The following PRPF31 variants were observed in gnomAD, a reference collection of about 807,000 sequenced individuals.
PRPF31 encodes pre-mRNA processing factor 31.
A neutral mutation model predicts 60.4 loss-of-function variants in PRPF31; 12 were observed. The ratio of observed to expected loss-of-function variants is 0.20; its 90% CI spans 0.13 to 0.32. PRPF31 has a LOEUF of 0.32. PRPF31 is among the 10% of genes least tolerant of loss of function. The probability of loss-of-function intolerance (pLI) is 1.00; values close to 1 mark genes in which losing one functional copy is unlikely to be tolerated. For missense variants in PRPF31, 431 were observed against 687.1 expected (o/e 0.63, Z 4.17); for synonymous variants, 287 against 287.9 (o/e 1.00, Z 0.03).
chr19:54,121,087 T>C (rs587744622), intron 3 of PRPF31, among the ~76,000 whole-genome samples: 1 of 151,198 alleles, frequency 6.6e-6, no homozygotes, highest in East Asian at 2.0e-4. Context: ...AGGTCGGGAG[T>C]TCGAGACCAG....
intron 4 of PRPF31, 51 bp from the exon 5 acceptor site, chr19:54,122,446 C>T (rs1568587497): frequency 7.2e-7 from 1 of 1,388,472 alleles, no homozygotes; most frequent in East Asian, 2.3e-5. Context: ...GGCCAACCAG[C>T]AGAGTCTACC....
intron 8 of PRPF31, chr19:54,125,210 C>T (rs147706110): frequency 2.0e-4 from 33 of 166,368 alleles, no homozygotes; most frequent in Middle Eastern, 5.8e-3. Context: ...GGCCCGCTAG[C>T]CTGGCGGGGC....
At position 54,126,517 on chromosome 19, in the gene PRPF31, C is replaced by T. The variant is rs763862825; in HGVS notation, c.856-11C>T. 12 of 1,611,410 alleles carry T rather than the reference C, an allele frequency of 7.4e-6. No individual in the cohort carries two copies. The highest frequency in any genetic ancestry group is 4.0e-5 in the African/African-American group (3 of 74,890). On this transcript the variant is annotated splice_polypyrimidine_tract_variant and intron_variant, in intron 8 of 13. Coordinates refer to ENST00000321030, the MANE Select transcript of PRPF31 (RefSeq NM_015629.4). ...TCACACAGATTCCACCCCCGTTTTC[C>T]GTTGCTCCAGGATCTGCGGCGGAAA... is the stretch of plus-strand genomic sequence containing the variant.
intron 1 of PRPF31, among the ~76,000 whole-genome samples, chr19:54,117,237 G>C (rs1230392962): frequency 6.6e-6 from 1 of 151,972 alleles, no homozygotes; most frequent in Non-Finnish European, 1.5e-5. Flanking sequence ...CAGAGGAAGT[G>C]GGGGGTGGTG....
Position 54,131,536 on chromosome 19 carries a change from C to G in PRPF31, c.*104C>G, listed in dbSNP as rs1166972719. The G allele has an allele frequency of 2.6e-6, 4 of 1,512,490 alleles. No homozygotes were observed. The highest frequency in any genetic ancestry group is 3.6e-6 in the Non-Finnish European group (4 of 1,109,780). 93.7% of individuals were successfully genotyped at this position (1,512,490 alleles called of 1,614,324 possible). The stretch of plus-strand genomic sequence containing the variant: ...CTGGCAGGGAGAACCTGCCCTGCCA[C>G]TGGCCCCATTGCTGGGACTGCCCAG... On this transcript the variant is annotated 3_prime_UTR_variant, in exon 14 of 14. Coordinates refer to ENST00000321030, the MANE Select transcript of PRPF31 (RefSeq NM_015629.4).
rs2074046860 is a variant in PRPF31 at position 54,131,499 on chromosome 19, T to C, written c.*67T>C. 2 of 1,586,402 alleles carry C rather than the reference T, an allele frequency of 1.3e-6. No individual in the cohort carries two copies. The highest frequency in any genetic ancestry group is 2.3e-5 in the South Asian group (2 of 88,418). On this transcript the variant is annotated 3_prime_UTR_variant, in exon 14 of 14. Transcript: ENST00000321030. ...CAGAGGTCCAGTCCTTCTGAAGGGC[T>C]AGGATCGGGTTCTGGCAGGGAGAAC...
chr19:54,118,844 C>A, intron 3 of PRPF31: 1 of 608,198 alleles, frequency 1.6e-6, no homozygotes, highest in South Asian at 2.1e-5. Context: ...GTGTGCTGAG[C>A]TTACTGATCA....
At chr19:54,131,280 A>AT in intron 13 of PRPF31, 27 bp from the exon 14 acceptor site, 1 of 1,613,460 alleles carries the variant, frequency 6.2e-7, no homozygotes, top group Non-Finnish European at 8.5e-7. Flanking sequence ...CACCTAACCC[A>AT]TCATCCTCTC....
intron 11 of PRPF31, 45 bp from the exon 12 acceptor site, chr19:54,129,012 C>A: frequency 6.5e-7 from 1 of 1,545,300 alleles, no homozygotes; most frequent in Non-Finnish European, 8.8e-7. Context: ...GGCTGGAGGG[C>A]AGGGCCTGGT....
At chr19:54,121,487 C>T (rs1267058583) in intron 3 of PRPF31, among the ~76,000 whole-genome samples, 2 of 152,104 alleles carry the variant, frequency 1.3e-5, no homozygotes, top group Non-Finnish European at 2.9e-5. Context: ...CAGGTGCTGT[C>T]CTGGGTACTC....
chr19:54,120,013 G>A (rs1213476769), intron 3 of PRPF31: 2 of 152,208 alleles, frequency 1.3e-5, no homozygotes, highest in African/African-American at 2.4e-5. Context: ...ATCAGTGGTG[G>A]TACCAAGCTG....
chr19:54,131,225 A>G, intron 13 of PRPF31, 82 bp from the exon 14 acceptor site: 8 of 1,570,338 alleles, frequency 5.1e-6, no homozygotes, highest in Non-Finnish European at 7.0e-6. Context: ...TGCCATGGGG[A>G]AGGGCCTGGG....
At chr19:54,128,932 G>C in intron 11 of PRPF31, 125 bp from the exon 12 acceptor site, 1 of 995,458 alleles carries the variant, frequency 1.0e-6, no homozygotes, top group South Asian at 1.4e-5. Context: ...GTGGGTACCG[G>C]AGCAGGTGCC....
intron 5 of PRPF31, chr19:54,123,092 G>A (rs190503027): frequency 1.0e-5 from 5 of 481,270 alleles, no homozygotes; most frequent in African/African-American, 7.8e-5. Flanking sequence ...AGGTCCCCAC[G>A]CATGTCCAGG....
intron 13 of PRPF31, among the ~76,000 whole-genome samples, chr19:54,131,021 T>A (rs2074037253): frequency 6.6e-6 from 1 of 152,144 alleles, no homozygotes; most frequent in South Asian, 2.1e-4. Flanking sequence ...GGACTCAGTT[T>A]CCTTATGCAG....
At chr19:54,127,773 C>G (rs8102427) in intron 9 of PRPF31, among the ~76,000 whole-genome samples, 1 of 152,072 alleles carries the variant, frequency 6.6e-6, no homozygotes, top group Admixed American at 6.5e-5. Context: ...TTCCCTCTCC[C>G]CATCTCACCC....
intron 4 of PRPF31, 140 bp from the exon 5 acceptor site, chr19:54,122,357 G>A (rs1017545118): frequency 7.7e-6 from 6 of 782,550 alleles, no homozygotes; most frequent in Non-Finnish European, 1.4e-5. Flanking sequence ...GGCTGAGAAA[G>A]GCTGTATGCT....
At chr19:54,128,611 G>A (rs1304397062) in intron 11 of PRPF31, among the ~76,000 whole-genome samples, 2 of 150,000 alleles carry the variant, frequency 1.3e-5, no homozygotes, top group South Asian at 2.1e-4. Flanking sequence ...GCTTCCCATC[G>A]CCCCGGGCTC....
At chr19:54,118,522 G>A (rs769022132) in intron 2 of PRPF31, 51 bp from the exon 3 acceptor site, 1 of 1,613,734 alleles carries the variant, frequency 6.2e-7, no homozygotes, top group Non-Finnish European at 8.5e-7. Flanking sequence ...GGGTGATACA[G>A]GCTTCTTTTT....
Sources: gnomAD v4.1 joint callset for allele counts (sites outside exome capture counted in the v4.1 genomes callset) on GRCh38, gnomAD v4.1.1 for gene constraint, MANE v1.5 for transcripts, NCBI Gene and HGNC (gene_info 2026-07-23, HGNC 2026-07-21) for gene names.